The following MITF variants were observed in gnomAD, a reference collection of about 807,000 sequenced individuals.
The protein encoded by MITF is melanocyte inducing transcription factor, also known as microphthalmia-associated transcription factor.
A neutral mutation model predicts 60.5 loss-of-function variants in MITF; 17 were observed. That is an observed-to-expected ratio of 0.28 (90% CI 0.19 to 0.42). The LOEUF (loss-of-function observed/expected upper bound fraction) is 0.42, where lower values mean the gene tolerates loss of function less well. Among genes scored for constraint, MITF ranks in the 10% least tolerant of loss-of-function variants. MITF has a pLI of 1.00. For missense variants in MITF, 622 were observed against 683.5 expected (o/e 0.91, Z 1.00); for synonymous variants, 260 against 248.5 (o/e 1.05, Z -0.43).
chr3:69,889,112 A>G (rs936762350), intron 2 of MITF, among the ~76,000 whole-genome samples: 8 of 123,356 alleles, frequency 6.5e-5, no homozygotes, highest in Non-Finnish European at 9.4e-5. Context: ...GAATGAATTT[A>G]TGAGAAGCAC....
At chr3:69,939,226 G>A in intron 4 of MITF, 45 bp downstream of exon 4, 5 of 1,539,696 alleles carry the variant, frequency 3.2e-6, no homozygotes, top group Non-Finnish European at 2.7e-6. Context: ...TTTGTAATGA[G>A]AATCTATATT....
chr3:69,920,336 A>G (rs2065436444), intron 2 of MITF, among the ~76,000 whole-genome samples: 1 of 152,106 alleles, frequency 6.6e-6, no homozygotes, highest in South Asian at 2.1e-4. Flanking sequence ...GGGAGTTTAG[A>G]GAAGACTCTG....
At chr3:69,786,807 T>C (rs1267495991) in intron 1 of MITF, among the ~76,000 whole-genome samples, 2 of 152,180 alleles carry the variant, frequency 1.3e-5, no homozygotes, top group African/African-American at 4.8e-5. Flanking sequence ...ATCCATTCAG[T>C]TGGAAATGAC....
intron 1 of MITF, among the ~76,000 whole-genome samples, chr3:69,777,154 C>T (rs1464534062): frequency 1.3e-5 from 2 of 152,032 alleles, no homozygotes; most frequent in South Asian, 2.1e-4. Context: ...TCATAGGAAA[C>T]ATCAGGAACT....
intron 1 of MITF, among the ~76,000 whole-genome samples, chr3:69,752,659 TA>T (rs1398939296): frequency 1.3e-5 from 2 of 152,176 alleles, no homozygotes; most frequent in East Asian, 1.9e-4. Flanking sequence ...AGAAATTACC[TA>T]AAGTTGAACT....
intron 1 of MITF, among the ~76,000 whole-genome samples, chr3:69,856,364 T>C (rs2063919002): frequency 6.6e-6 from 1 of 152,212 alleles, no homozygotes; most frequent in Non-Finnish European, 1.5e-5. Context: ...TATAATGAAA[T>C]TGAAAGAAAA....
intron 2 of MITF, among the ~76,000 whole-genome samples, chr3:69,917,376 CT>C (rs3044646): frequency 0.011 from 1,263 of 113,272 alleles, 9 homozygotes; most frequent in African/African-American, 0.034. Flanking sequence ...CAGTTGCCTC[CT>C]TTTTTTTTTT....
At chr3:69,757,336 G>A (rs2106789389) in intron 1 of MITF, among the ~76,000 whole-genome samples, 1 of 152,140 alleles carries the variant, frequency 6.6e-6, no homozygotes, top group East Asian at 1.9e-4. Flanking sequence ...CTTGACTCTT[G>A]GTTAAACAGT....
chr3:69,746,096 G>A (rs1293367453), intron 1 of MITF, among the ~76,000 whole-genome samples: 1 of 152,140 alleles, frequency 6.6e-6, no homozygotes. Flanking sequence ...TTCGTTTTGT[G>A]GTATGATTAG....
At chr3:69,839,286 C>T (rs1048340643) in intron 1 of MITF, among the ~76,000 whole-genome samples, 1 of 151,234 alleles carries the variant, frequency 6.6e-6, no homozygotes, top group Admixed American at 6.6e-5. Context: ...TTGTAGTGAT[C>T]TCTGATGAAA....
Position 69,968,276 on chromosome 3 carries a change from A to G in MITF, c.*3028A>G. The G allele has an allele frequency of 4.3e-6, 1 of 231,214 alleles. No homozygotes were observed. The allele number at this position is 231,214 out of a possible 1,614,324, so 14.3% of individuals were successfully genotyped here. ...GTATATTATGGATCGATATTAATGT[A>G]TCCAATGAAATAATCGACTTGTTCT... On this transcript the variant is annotated 3_prime_UTR_variant, in exon 10 of 10. Transcript: ENST00000352241.
At chr3:69,806,111 A>C (rs184999286) in intron 1 of MITF, among the ~76,000 whole-genome samples, 4 of 147,988 alleles carry the variant, frequency 2.7e-5, no homozygotes, top group Non-Finnish European at 6.0e-5. Flanking sequence ...TTGAGACAGA[A>C]TCTCACTCTG....
Position 69,763,709 on chromosome 3 carries a change from C to T in MITF, c.104+24008C>T, listed in dbSNP as rs80163893. 2.6e-3 allele frequency: 3,429 copies of T among 1,313,710 alleles called. 8 individuals are homozygous for T. The highest frequency in any genetic ancestry group is 0.018 in the Middle Eastern group (86 of 4,892). 81.4% of individuals were successfully genotyped at this position (1,313,710 alleles called of 1,614,324 possible). A position where few individuals can be genotyped will look rare whatever the true frequency, so the allele number is the denominator to read the frequency against. The stretch of plus-strand genomic sequence containing the variant: ...GCAGCCCTGGTGAGTGTTTTCAGCT[C>T]TCTTCTGTAGCTTGTTTGGTCAGTC... On this transcript the variant is annotated intron_variant, in intron 1 of 9. Transcript: ENST00000352241.
chr3:69,852,248 G>A (rs143303874), intron 1 of MITF, among the ~76,000 whole-genome samples: 1 of 152,262 alleles, frequency 6.6e-6, no homozygotes, highest in Non-Finnish European at 1.5e-5. Context: ...TACATGCACT[G>A]CCTGAGGAAT....
rs2066664531 is a variant in MITF, at chr3:69,965,314, A to G, written c.*66A>G. On this transcript the variant is annotated 3_prime_UTR_variant, in exon 10 of 10. Transcript: ENST00000352241. ...TCTTGATTCGTAGATTTAATAACTT[A>G]CCTGAAGGGGTTTTCTTGATAATTT... The G allele has an allele frequency of 2.6e-6, 4 of 1,552,632 alleles. No homozygotes were observed. The South Asian group carries it at 3.4e-5, about 13-fold the overall frequency.
intron 1 of MITF, among the ~76,000 whole-genome samples, chr3:69,791,800 T>C (rs2062744656): frequency 6.6e-6 from 1 of 152,232 alleles, no homozygotes; most frequent in Non-Finnish European, 1.5e-5. Context: ...TAAGTGTGTA[T>C]GCAAGAGGCA....
At chr3:69,897,749 C>T (rs1016885050) in intron 2 of MITF, among the ~76,000 whole-genome samples, 1 of 152,186 alleles carries the variant, frequency 6.6e-6, no homozygotes, top group Admixed American at 6.5e-5. Flanking sequence ...CTTTTGCTCA[C>T]TTCTGTATCC....
intron 1 of MITF, among the ~76,000 whole-genome samples, chr3:69,771,614 G>C (rs1366288964): frequency 2.0e-5 from 3 of 152,172 alleles, no homozygotes; most frequent in Non-Finnish European, 4.4e-5. Flanking sequence ...AGGAAATTGA[G>C]AATACTGGAA....
chr3:69,889,025 G>GTTTTT (rs4057977), intron 2 of MITF, among the ~76,000 whole-genome samples: 5 of 58,812 alleles, frequency 8.5e-5, no homozygotes, highest in East Asian at 6.1e-4. Flanking sequence ...ATAGCCTTTG[G>GTTTTT]TTTTTTTTTT....
Sources: gnomAD v4.1 joint callset for allele counts (sites outside exome capture counted in the v4.1 genomes callset) on GRCh38, gnomAD v4.1.1 for gene constraint, MANE v1.5 for transcripts, NCBI Gene and HGNC (gene_info 2026-07-23, HGNC 2026-07-21) for gene names.